Variants in SLC18A2 observed in about 807,000 individuals in gnomAD.
The protein encoded by SLC18A2 is synaptic vesicular amine transporter.
SLC18A2 carries 33 observed loss-of-function variants against 59.2 expected under a neutral mutation model. The ratio of observed to expected loss-of-function variants is 0.56; its 90% CI spans 0.42 to 0.75. SLC18A2 has a LOEUF of 0.75. Among genes scored for constraint, SLC18A2 ranks in the 30% least tolerant of loss-of-function variants. The pLI is 0.00. For synonymous variants in SLC18A2, 228 were observed against 253.5 expected, an observed-to-expected ratio of 0.90 and a Z score of 0.95; for missense variants, 569 against 668.6, an observed-to-expected ratio of 0.85 and a Z score of 1.64.
intron 10 of SLC18A2, among the ~76,000 whole-genome samples, chr10:117,260,098 A>G (rs1056340153): frequency 9.2e-5 from 14 of 151,840 alleles, no homozygotes; most frequent in Non-Finnish European, 1.9e-4. Flanking sequence ...GTATACCCTG[A>G]GTGTTTGGGG....
At chr10:117,264,339 C>T (rs539551881) in intron 10 of SLC18A2, among the ~76,000 whole-genome samples, 2 of 152,196 alleles carry the variant, frequency 1.3e-5, no homozygotes, top group Admixed American at 6.5e-5. Flanking sequence ...AGGCTGGGTG[C>T]GTGGCTCATG....
chr10:117,274,159 CTTTT>C (rs36083737), intron 15 of SLC18A2, among the ~76,000 whole-genome samples: 1 of 152,036 alleles, frequency 6.6e-6, no homozygotes. Context: ...TTGTGTATAA[CTTTT>C]TTTTAAAAAG....
chr10:117,254,135 G>A lies in SLC18A2; in HGVS notation c.607+4G>A. On this transcript the variant is annotated splice_donor_region_variant and intron_variant, in intron 5 of 15. Coordinates refer to ENST00000644641, the MANE Select transcript of SLC18A2 (RefSeq NM_003054.6). ...TCGTCCTGCTCCTCTGTGGCTGGTA[G>A]GTGTGGAATGCCTGAGTGAGTTCGT... 1 of 1,613,204 alleles carries A rather than the reference G, an allele frequency of 6.2e-7. No homozygotes were observed. Among genetic ancestry groups the A allele is most frequent in the Middle Eastern group, 1.6e-4 (1 of 6,062 alleles).
At chr10:117,275,278 T>A (rs1844472993) in intron 15 of SLC18A2, among the ~76,000 whole-genome samples, 1 of 151,816 alleles carries the variant, frequency 6.6e-6, no homozygotes, top group South Asian at 2.1e-4. Context: ...GTCAAGGAAG[T>A]CCTTATCTTC....
chr10:117,242,841 T>A (rs975640372), intron 2 of SLC18A2, among the ~76,000 whole-genome samples: 3 of 152,200 alleles, frequency 2.0e-5, no homozygotes, highest in African/African-American at 7.2e-5. Context: ...CAAGTGATTC[T>A]CCTGCATTAG....
At chr10:117,260,476 T>C (rs199857629) in intron 10 of SLC18A2, among the ~76,000 whole-genome samples, 10 of 115,044 alleles carry the variant, frequency 8.7e-5, no homozygotes, top group East Asian at 6.3e-4. Context: ...CCCACTCTGT[T>C]TGTCCTCAGG....
chr10:117,254,431 A>G lies in SLC18A2; in HGVS notation c.634A>G (p.Thr212Ala). Residue 212 changes from threonine to alanine, a missense_variant, in exon 6 of 16, where the codon ACA becomes GCA. Physicochemically the swap from Thr to Ala is moderately conservative, Grantham distance 58. Coordinates refer to ENST00000644641, the MANE Select transcript of SLC18A2 (RefSeq NM_003054.6). The stretch of plus-strand genomic sequence containing the variant: ...GATGGGCATGCTTGCCAGTGTCTAC[A>G]CAGATGATGAAGAGAGAGGCAACGT... ...AGMGMLASVYTDDEERGNVMG... is the reference protein window; with the variant it reads ...AGMGMLASVYADDEERGNVMG... The G allele has an allele frequency of 6.2e-7, 1 of 1,608,394 alleles. No homozygotes were observed. The highest frequency in any genetic ancestry group is 8.5e-7 in the Non-Finnish European group (1 of 1,177,008).
intron 2 of SLC18A2, among the ~76,000 whole-genome samples, chr10:117,243,103 C>T (rs1044789711): frequency 7.9e-5 from 12 of 151,026 alleles, no homozygotes; most frequent in African/African-American, 2.9e-4. Context: ...GGAAAAATTA[C>T]AGATTCCCAC....
intron 15 of SLC18A2, 35 bp from the exon 16 acceptor site, chr10:117,277,127 A>G: frequency 8.6e-7 from 1 of 1,168,124 alleles, no homozygotes; most frequent in South Asian, 1.3e-5. Flanking sequence ...TTATGAAACA[A>G]GAAGTTAATA....
rs749397802 is a variant in SLC18A2 at position 117,270,358 on chromosome 10, G to C, written c.1335G>C (p.Lys445Asn). The C allele has an allele frequency of 3.1e-6, 5 of 1,614,186 alleles. No individual in the cohort carries two copies. Among genetic ancestry groups the C allele is most frequent in the Non-Finnish European group, 3.4e-6 (4 of 1,180,030 alleles). The change falls in exon 15 of 16, where the codon AAG becomes AAC. Residue 445 changes from lysine (K) to asparagine (N), a missense_variant. Lys to Asn is a moderately conservative substitution (Grantham distance 94, BLOSUM62 0). This residue lies in a region of SLC18A2 where 192 missense variants were observed against 278.8 expected (regional missense o/e 0.69). Transcript: ENST00000644641. The part of the protein sequence containing the change: ...IGPSAGGAIA[K>N]AIGFPWLMTI... The stretch of plus-strand genomic sequence containing the variant: ...CTTCTGCTGGTGGTGCTATTGCAAA[G>C]GCAATTGGATTTCCATGGCTCATGA...
intron 15 of SLC18A2, among the ~76,000 whole-genome samples, chr10:117,272,172 C>T (rs1238212792): frequency 2.0e-5 from 3 of 152,122 alleles, no homozygotes; most frequent in Admixed American, 2.0e-4. Context: ...GAGTGACTGG[C>T]CCTGTGGCTC....
Position 117,268,973 on chromosome 10 carries a change from C to A in SLC18A2, c.1187-1098C>A, listed in dbSNP as rs564846204. Reference sequence around the variant, plus strand: ...ATACATACACATACACACTCATACACAAACACACACATTCATACACACAAA... The same window carrying A: ...ATACATACACATACACACTCATACAAAAACACACACATTCATACACACAAA... On this transcript the variant is annotated intron_variant, in intron 13 of 15. Coordinates refer to ENST00000644641, the MANE Select transcript of SLC18A2 (RefSeq NM_003054.6). Among the ~76,000 whole-genome samples, 3 of 100,388 alleles carry A rather than the reference C, an allele frequency of 3.0e-5. No homozygotes were observed. The South Asian group carries it at 1.0e-3, about 34-fold the overall frequency. The allele number at this position is 100,388 out of a possible 152,430, so 65.9% of individuals were successfully genotyped here.
chr10:117,258,038 C>A lies in SLC18A2; in HGVS notation c.991+146C>A. The A allele has an allele frequency of 1.4e-5, 8 of 565,616 alleles. No homozygotes were observed. The South Asian group carries it at 1.9e-4, about 14-fold the overall frequency. 35.0% of individuals were successfully genotyped at this position (565,616 alleles called of 1,614,324 possible). A position where few individuals can be genotyped will look rare whatever the true frequency, so the allele number is the denominator to read the frequency against. ...CTCTTAATGGGGTCATTGCTTAGGG[C>A]AGCCTTGGGGTCTGTTTGTTCTCTG... On this transcript the variant is annotated intron_variant, in intron 10 of 15. Coordinates refer to ENST00000644641, the MANE Select transcript of SLC18A2 (RefSeq NM_003054.6).
At position 117,253,959 on chromosome 10, in the gene SLC18A2, G is replaced by C. The variant is rs567884308; in HGVS notation, c.524-89G>C. The C allele has an allele frequency of 6.0e-6, 7 of 1,175,390 alleles. 1 individual carries two copies. In the African/African-American group the frequency reaches 1.1e-4, roughly 18 times the overall value. 72.8% of individuals were successfully genotyped at this position (1,175,390 alleles called of 1,614,324 possible). ...TGGCTAACATGCAAATGCTCCACTGGGTTAAGGGGGGCTTCTGAAACGTTC... is the reference window on the plus strand; with the variant it reads ...TGGCTAACATGCAAATGCTCCACTGCGTTAAGGGGGGCTTCTGAAACGTTC... On this transcript the variant is annotated intron_variant, in intron 4 of 15. Coordinates refer to ENST00000644641, the MANE Select transcript of SLC18A2 (RefSeq NM_003054.6).
intron 10 of SLC18A2, among the ~76,000 whole-genome samples, chr10:117,258,450 C>T (rs1442127306): frequency 1.3e-5 from 2 of 152,180 alleles, no homozygotes; most frequent in East Asian, 3.8e-4. Flanking sequence ...GCCTAAAAAT[C>T]CAGTCAAGTG....
chr10:117,274,660 GTAAA>G (rs1404141941), intron 15 of SLC18A2, among the ~76,000 whole-genome samples: 1 of 152,096 alleles, frequency 6.6e-6, no homozygotes, highest in East Asian at 1.9e-4. Context: ...GTCCTGCTTG[GTAAA>G]TAACTCATGT....
chr10:117,265,906 A>T (rs1844342292), intron 10 of SLC18A2, among the ~76,000 whole-genome samples: 1 of 152,130 alleles, frequency 6.6e-6, no homozygotes, highest in South Asian at 2.1e-4. Context: ...CCTGGCCAAC[A>T]TGTTGAAACT....
At position 117,254,106 on chromosome 10, in the gene SLC18A2, C is replaced by G; in HGVS notation, c.582C>G (p.Ile194Met). The G allele has an allele frequency of 6.2e-7, 1 of 1,613,504 alleles. No individual in the cohort carries two copies. Among genetic ancestry groups the G allele is most frequent in the Non-Finnish European group, 8.5e-7 (1 of 1,180,006 alleles). The change falls in exon 5 of 16, where the codon ATC becomes ATG. Residue 194 changes from isoleucine to methionine, a missense_variant. This residue lies in a region of SLC18A2 where 377 missense variants were observed against 389.8 expected (regional missense o/e 0.97). Coordinates refer to ENST00000644641, the MANE Select transcript of SLC18A2 (RefSeq NM_003054.6). ...TGATTGCCAGGTCGCTGCAGGGCAT[C>G]GGCTCGTCCTGCTCCTCTGTGGCTG... The part of the protein sequence containing the change: ...FLLIARSLQG[I>M]GSSCSSVAGM...
intron 2 of SLC18A2, among the ~76,000 whole-genome samples, chr10:117,242,280 AC>A (rs1218990523): frequency 6.6e-6 from 1 of 152,228 alleles, no homozygotes; most frequent in African/African-American, 2.4e-5. Flanking sequence ...TTAGTGAATG[AC>A]TTGAGATGGA....
Sources: allele counts gnomAD v4.1 joint callset (sites outside exome capture counted in the v4.1 genomes callset), GRCh38; gene constraint gnomAD v4.1.1; regional missense constraint gnomAD v4.1.1; transcripts MANE v1.5; gene names NCBI Gene and HGNC (gene_info 2026-07-23, HGNC 2026-07-21).